PPP2R2B: variants seen among roughly 807,000 people sequenced by gnomAD.
PPP2R2B encodes serine/threonine-protein phosphatase 2A 55 kDa regulatory subunit B beta isoform.
Under a neutral mutation model 46.0 loss-of-function variants are expected in PPP2R2B, and 5 were observed. That is an observed-to-expected ratio of 0.11 (90% CI 0.06 to 0.23). The LOEUF is 0.23. Among genes scored for constraint, PPP2R2B ranks in the 10% least tolerant of loss-of-function variants. The pLI is 1.00. For missense variants in PPP2R2B, 367 were observed against 575.0 expected (o/e 0.64, Z 3.70); for synonymous variants, 215 against 206.7 (o/e 1.04, Z -0.34).
At chr5:146,906,049 T>C (rs1396203618) in intron 1 of PPP2R2B, among the ~76,000 whole-genome samples, 4 of 152,300 alleles carry the variant, frequency 2.6e-5, no homozygotes, top group African/African-American at 9.6e-5. Context: ...CATTTGAACC[T>C]ATTTTTTCAG....
chr5:146,649,506 A>G (rs1303196610), intron 6 of PPP2R2B, among the ~76,000 whole-genome samples: 1 of 151,418 alleles, frequency 6.6e-6, no homozygotes, highest in Non-Finnish European at 1.5e-5. Flanking sequence ...GTGCAGTGGT[A>G]CGATCTCGGC....
At chr5:147,009,316 T>G (rs1172782807) in intron 1 of PPP2R2B, among the ~76,000 whole-genome samples, 1 of 152,150 alleles carries the variant, frequency 6.6e-6, no homozygotes, top group African/African-American at 2.4e-5. Flanking sequence ...TTTCCTAATT[T>G]TATTTACTTT....
intron 1 of PPP2R2B, among the ~76,000 whole-genome samples, chr5:147,010,057 C>T (rs928570010): frequency 1.3e-5 from 2 of 152,128 alleles, no homozygotes; most frequent in African/African-American, 2.4e-5. Context: ...CTCATAAATA[C>T]ACACTTTACA....
At chr5:146,743,813 C>T (rs560702484) in intron 2 of PPP2R2B, among the ~76,000 whole-genome samples, 2 of 152,226 alleles carry the variant, frequency 1.3e-5, no homozygotes, top group African/African-American at 4.8e-5. Context: ...TCAAATATGG[C>T]CACAAAATTA....
chr5:146,829,229 T>A (rs539402445), intron 2 of PPP2R2B, among the ~76,000 whole-genome samples: 2 of 152,198 alleles, frequency 1.3e-5, no homozygotes, highest in Non-Finnish European at 2.9e-5. Flanking sequence ...TCTTGTTTTT[T>A]AAAAAATTAT....
At chr5:146,880,935 G>A (rs1412244409), upstream of PPP2R2B, among the ~76,000 whole-genome samples, 1 of 152,148 alleles carries the variant, frequency 6.6e-6, no homozygotes, top group Non-Finnish European at 1.5e-5. Context: ...TTTCTAATAT[G>A]AGAGAACTAG....
intron 1 of PPP2R2B, among the ~76,000 whole-genome samples, chr5:147,030,788 T>C (rs1172588014): frequency 6.6e-6 from 1 of 152,202 alleles, no homozygotes; most frequent in Admixed American, 6.5e-5. Context: ...GTTATTTGTG[T>C]TATTTTTGTC....
intron 2 of PPP2R2B, among the ~76,000 whole-genome samples, chr5:147,078,843 C>T (rs1191699341): frequency 6.6e-6 from 1 of 151,772 alleles, no homozygotes; most frequent in South Asian, 2.1e-4. Flanking sequence ...TCACCCTGAC[C>T]CTTGAAACTC....
intron 2 of PPP2R2B, among the ~76,000 whole-genome samples, chr5:146,756,857 T>A (rs1753864876): frequency 6.6e-6 from 1 of 152,192 alleles, no homozygotes; most frequent in Admixed American, 6.5e-5. Context: ...ATTCATTCAA[T>A]TACTGCACAG....
intron 8 of PPP2R2B, among the ~76,000 whole-genome samples, chr5:146,594,876 G>T (rs1374620578): frequency 6.6e-6 from 1 of 152,346 alleles, no homozygotes; most frequent in South Asian, 2.1e-4. Flanking sequence ...TGGTGTTTAA[G>T]TTAAGAGTGA....
At chr5:146,877,586 C>G (rs1761967233) in intron 2 of PPP2R2B, among the ~76,000 whole-genome samples, 1 of 152,146 alleles carries the variant, frequency 6.6e-6, no homozygotes, top group African/African-American at 2.4e-5. Flanking sequence ...CCTTGCCCTC[C>G]CTGCAGCCAC....
At chr5:146,624,757 A>G (rs1360998979) in intron 7 of PPP2R2B, among the ~76,000 whole-genome samples, 1 of 152,194 alleles carries the variant, frequency 6.6e-6, no homozygotes, top group Non-Finnish European at 1.5e-5. Context: ...ACAGAAGACA[A>G]TGTGAATGGG....
chr5:146,644,306 TTTTGGC>T (rs5871983), intron 6 of PPP2R2B, among the ~76,000 whole-genome samples: 100,324 of 147,140 alleles, frequency 0.68, 35,803 homozygotes, highest in Non-Finnish European at 0.79. Flanking sequence ...TTTAAATTGT[TTTTGGC>T]TTTGGCTTTT....
intron 1 of PPP2R2B, among the ~76,000 whole-genome samples, chr5:147,027,334 C>T (rs548068833): frequency 4.5e-4 from 69 of 152,022 alleles, no homozygotes; most frequent in African/African-American, 1.6e-3. Flanking sequence ...ATGGATTTCA[C>T]CTCAATTAAA....
intron 1 of PPP2R2B, among the ~76,000 whole-genome samples, chr5:146,999,000 C>T (rs985134559): frequency 1.8e-5 from 2 of 112,442 alleles, no homozygotes; most frequent in South Asian, 3.0e-4. Flanking sequence ...GGAGACAGAG[C>T]GAGACTCCAT....
intron 5 of PPP2R2B, among the ~76,000 whole-genome samples, chr5:146,675,213 G>A (rs1191434334): frequency 1.3e-5 from 2 of 152,128 alleles, no homozygotes; most frequent in Non-Finnish European, 2.9e-5. Context: ...ACCCGCCTCA[G>A]CCTCCTAAAG....
chr5:146,789,654 A>C (rs6882678), intron 2 of PPP2R2B, among the ~76,000 whole-genome samples: 17,191 of 151,908 alleles, frequency 0.11, 1,285 homozygotes, highest in African/African-American at 0.21. Context: ...GAGGCAATAC[A>C]TCTAAGAAAT....
At chr5:146,749,868 G>GATTA (rs1238725631) in intron 2 of PPP2R2B, among the ~76,000 whole-genome samples, 9 of 152,128 alleles carry the variant, frequency 5.9e-5, no homozygotes, top group South Asian at 2.1e-4. Context: ...AAAGTGTTGG[G>GATTA]ATTACAGGCG....
At chr5:146,849,550 G>T (rs929547556) in intron 2 of PPP2R2B, among the ~76,000 whole-genome samples, 1 of 152,120 alleles carries the variant, frequency 6.6e-6, no homozygotes, top group African/African-American at 2.4e-5. Flanking sequence ...TTCTGGAAGG[G>T]ACTACAGATA....
Sources: gnomAD v4.1 joint callset for allele counts (sites outside exome capture counted in the v4.1 genomes callset) on GRCh38, gnomAD v4.1.1 for gene constraint, MANE v1.5 for transcripts, NCBI Gene and HGNC (gene_info 2026-07-23, HGNC 2026-07-21) for gene names.